RBM26: variants seen among roughly 807,000 people sequenced by gnomAD.
The protein encoded by RBM26 is RNA-binding protein 26.
Under a neutral mutation model 123.6 loss-of-function variants are expected in RBM26, and 30 were observed. The observed-to-expected ratio is 0.24, with a 90% confidence interval of 0.18 to 0.33. The LOEUF (loss-of-function observed/expected upper bound fraction) is 0.33, where lower values mean the gene tolerates loss of function less well. Ranked by LOEUF, RBM26 falls within the 10% of genes least tolerant of loss-of-function variation. RBM26 has a pLI of 1.00. For missense variants in RBM26, 947 were observed against 1,203.6 expected, an observed-to-expected ratio of 0.79 and a Z score of 3.15; for synonymous variants, 400 against 404.4, an observed-to-expected ratio of 0.99 and a Z score of 0.13.
rs768862264 is a variant in RBM26 at position 79,355,212 on chromosome 13, T to C, written c.1854+8A>G. The C allele has an allele frequency of 4.3e-6, 7 of 1,612,636 alleles. No homozygotes were observed. In the African/African-American group the frequency reaches 6.7e-5, roughly 15 times the overall value. ...ATGCGCGTACTTTTACACAAATTCC[T>C]CTCTTACCTTTGGAGAAGTAGTTTG... is the stretch of plus-strand genomic sequence containing the variant. On this transcript the variant is annotated splice_region_variant and intron_variant, in intron 12 of 21. Transcript: ENST00000438737.
At chr13:79,391,603 T>C (rs947792458) in intron 1 of RBM26, among the ~76,000 whole-genome samples, 1 of 152,118 alleles carries the variant, frequency 6.6e-6, no homozygotes, top group African/African-American at 2.4e-5. Context: ...TTTATATTTT[T>C]AGTAGAGACA....
chr13:79,393,638 G>C (rs2078292939), intron 1 of RBM26, among the ~76,000 whole-genome samples: 1 of 152,080 alleles, frequency 6.6e-6, no homozygotes, highest in Admixed American at 6.5e-5. Flanking sequence ...TCTCCCATTC[G>C]CTGTCTGGCT....
At chr13:79,376,290 A>C (rs2076664156) in intron 3 of RBM26, 1 of 154,326 alleles carries the variant, frequency 6.5e-6, no homozygotes, top group Non-Finnish European at 1.4e-5. Context: ...TCTGGGGCTC[A>C]AGCAGTTCTC....
chr13:79,384,067 G>A (rs1379995555), intron 1 of RBM26, among the ~76,000 whole-genome samples: 1 of 152,074 alleles, frequency 6.6e-6, no homozygotes, highest in South Asian at 2.1e-4. Context: ...GAGCATTCAC[G>A]AACACTGGGG....
chr13:79,392,335 A>G (rs1424932601), intron 1 of RBM26, among the ~76,000 whole-genome samples: 1 of 142,800 alleles, frequency 7.0e-6, no homozygotes, highest in Non-Finnish European at 1.5e-5. Flanking sequence ...GTAATTATAT[A>G]TAATTACATT....
At chr13:79,377,608 A>C in intron 2 of RBM26, 93 bp from the exon 3 acceptor site, 1 of 1,002,958 alleles carries the variant, frequency 1.0e-6, no homozygotes. Context: ...GATGAAACAT[A>C]CCTTGACTTT....
At chr13:79,400,248 C>T (rs923475116) in intron 1 of RBM26, among the ~76,000 whole-genome samples, 5 of 152,166 alleles carry the variant, frequency 3.3e-5, no homozygotes, top group African/African-American at 1.2e-4. Context: ...CAGAATACCA[C>T]AAGATGGGTA....
intron 9 of RBM26, among the ~76,000 whole-genome samples, chr13:79,365,217 C>T (rs145483723): frequency 0.027 from 4,106 of 152,112 alleles, 146 homozygotes; most frequent in African/African-American, 0.08. Context: ...CCAAGGCGGG[C>T]GGATCACTTG....
Position 79,371,824 on chromosome 13 carries a change from G to T in RBM26, c.416+18C>A, listed in dbSNP as rs759407197. ...AACTTACATCGAAACACTGAGTATG[G>T]TTCAATGAACTGCTCACCTATTTTC... is the stretch of plus-strand genomic sequence containing the variant. On this transcript the variant is annotated intron_variant, in intron 4 of 21. Coordinates refer to ENST00000438737, the MANE Select transcript of RBM26 (RefSeq NM_001366735.2). The T allele has an allele frequency of 2.6e-6, 4 of 1,512,836 alleles. No individual in the cohort carries two copies. The highest frequency in any genetic ancestry group is 2.3e-5 in the South Asian group (2 of 88,870). 93.7% of individuals were successfully genotyped at this position (1,512,836 alleles called of 1,614,324 possible).
chr13:79,339,430 C>CA (rs201125727), intron 18 of RBM26, among the ~76,000 whole-genome samples: 1,661 of 151,964 alleles, frequency 0.011, 19 homozygotes, highest in Non-Finnish European at 0.018. Context: ...CAATTTTCAT[C>CA]AAAAAAATCA....
Position 79,319,002 on chromosome 13 carries a change from CAA to C in RBM26, c.*1617_*1618del, listed in dbSNP as rs1336625410. 1.0e-6 allele frequency: 1 copy of C among 977,666 alleles called. No homozygotes were observed. Among genetic ancestry groups the C allele is most frequent in the Non-Finnish European group, 1.2e-6 (1 of 823,262 alleles). 60.6% of individuals were successfully genotyped at this position (977,666 alleles called of 1,614,324 possible). On this transcript the variant is annotated 3_prime_UTR_variant, in exon 22 of 22. Coordinates refer to ENST00000438737, the MANE Select transcript of RBM26 (RefSeq NM_001366735.2). Reference sequence around the variant, plus strand: ...TAAGTAAAAATAGTGACTTTTTGAGCAAAGTCACTATTTTGACAACTGAAATC... The same window carrying C: ...TAAGTAAAAATAGTGACTTTTTGAGCAGTCACTATTTTGACAACTGAAATC...
chr13:79,323,736 C>A (rs1159955944), intron 20 of RBM26, among the ~76,000 whole-genome samples: 3 of 151,806 alleles, frequency 2.0e-5, no homozygotes, highest in East Asian at 3.9e-4. Flanking sequence ...CAGCACACAG[C>A]TCCTCAAATC....
At chr13:79,334,010 G>A (rs1306720118) in intron 20 of RBM26, among the ~76,000 whole-genome samples, 1 of 152,098 alleles carries the variant, frequency 6.6e-6, no homozygotes, top group Non-Finnish European at 1.5e-5. Context: ...AGCAGATCCT[G>A]TTTTGGGTCA....
chr13:79,372,693 ATGTT>A (rs1233509480), intron 3 of RBM26, among the ~76,000 whole-genome samples: 1 of 140,366 alleles, frequency 7.1e-6, no homozygotes, highest in African/African-American at 2.8e-5. Flanking sequence ...AAACATATAC[ATGTT>A]TATATATATA....
intron 9 of RBM26, 69 bp downstream of exon 9, chr13:79,365,509 G>T: frequency 7.9e-7 from 1 of 1,272,402 alleles, no homozygotes; most frequent in Non-Finnish European, 1.1e-6. Context: ...AAGACCAACT[G>T]TTCTTTATAA....
chr13:79,325,349 T>A (rs2068222673), intron 20 of RBM26, among the ~76,000 whole-genome samples: 2 of 152,122 alleles, frequency 1.3e-5, no homozygotes, highest in African/African-American at 4.8e-5. Flanking sequence ...AATACACACA[T>A]TGCCTATGAC....
intron 20 of RBM26, among the ~76,000 whole-genome samples, chr13:79,330,066 G>A (rs1409746946): frequency 6.6e-6 from 1 of 152,150 alleles, no homozygotes; most frequent in Non-Finnish European, 1.5e-5. Context: ...TTGGCCCTAA[G>A]TCGATAACTG....
chr13:79,342,975 T>A (rs2071671576), intron 16 of RBM26, 144 bp from the exon 17 acceptor site: 1 of 531,998 alleles, frequency 1.9e-6, no homozygotes, highest in South Asian at 2.9e-5. Flanking sequence ...CCATGAATTA[T>A]CTAAAGATCG....
chr13:79,371,897 A>G lies in RBM26; in HGVS notation c.361T>C (p.Ser121Pro). The change falls in exon 4 of 22, where the codon TCT (serine) becomes CCT (proline). Residue 121 changes from serine to proline, a missense_variant. Ser to Pro is a moderately conservative substitution (Grantham distance 74, BLOSUM62 -1). Transcript: ENST00000438737. The stretch of plus-strand genomic sequence containing the variant: ...GGAGGACTGTGATTTAGCCTTCTAG[A>G]AAACTTCTTCTCTCGCTCTTCCTCC... Reference protein sequence around the residue: ...TKEEEREKKFSRRLNHSPPQS... With the variant: ...TKEEEREKKFPRRLNHSPPQS... 6.2e-7 allele frequency: 1 copy of G among 1,612,852 alleles called. No individual in the cohort carries two copies. Among genetic ancestry groups the G allele is most frequent in the South Asian group, 1.1e-5 (1 of 91,036 alleles).
Sources: allele counts gnomAD v4.1 joint callset (sites outside exome capture counted in the v4.1 genomes callset), GRCh38; gene constraint gnomAD v4.1.1; transcripts MANE v1.5; gene names NCBI Gene and HGNC (gene_info 2026-07-23, HGNC 2026-07-21).